SUMF1: variants seen among roughly 807,000 people sequenced by gnomAD.
SUMF1 encodes sulfatase modifying factor 1.
Under a neutral mutation model 47.6 loss-of-function variants are expected in SUMF1, and 48 were observed. The observed-to-expected ratio is 1.01, with a 90% CI of 0.80 to 1.28. SUMF1 has a LOEUF of 1.28. Among genes scored for constraint, SUMF1 ranks in the 50% most tolerant of loss-of-function variants. The pLI, the probability that SUMF1 is intolerant of heterozygous loss-of-function variation, is 0.00. For missense variants in SUMF1, 571 were observed against 485.4 expected (o/e 1.18, Z -1.66); for synonymous variants, 230 against 192.1 (o/e 1.20, Z -1.63).
intron 8 of SUMF1, among the ~76,000 whole-genome samples, chr3:4,149,783 G>A (rs897210606): frequency 4.6e-5 from 7 of 152,134 alleles, no homozygotes; most frequent in African/African-American, 1.4e-4. Flanking sequence ...GCCTGTGGAC[G>A]TGTAGTCCTA....
At chr3:4,385,203 A>T (rs1700633593) in intron 7 of SUMF1, among the ~76,000 whole-genome samples, 2 of 152,160 alleles carry the variant, frequency 1.3e-5, no homozygotes, top group Admixed American at 1.3e-4. Flanking sequence ...TAGGTTTTAA[A>T]GAAAACGTCA....
At chr3:4,044,784 T>G (rs370591114) in intron 9 of SUMF1, among the ~76,000 whole-genome samples, 32 of 152,352 alleles carry the variant, frequency 2.1e-4, no homozygotes, top group African/African-American at 7.5e-4. Context: ...CACACTCTTT[T>G]GGCTGCCTTG....
chr3:4,262,508 T>G (rs1468751463), intron 8 of SUMF1, among the ~76,000 whole-genome samples: 2 of 152,172 alleles, frequency 1.3e-5, no homozygotes, highest in Non-Finnish European at 2.9e-5. Context: ...CTGGCATGGC[T>G]GGTGCACAAG....
intron 8 of SUMF1, among the ~76,000 whole-genome samples, chr3:4,292,150 A>G (rs980953864): frequency 6.6e-6 from 1 of 152,232 alleles, no homozygotes; most frequent in African/African-American, 2.4e-5. Context: ...TTTATCAATT[A>G]TTAATTAGCA....
chr3:4,162,150 C>T (rs753128057), intron 8 of SUMF1, among the ~76,000 whole-genome samples: 12 of 152,018 alleles, frequency 7.9e-5, no homozygotes, highest in Non-Finnish European at 1.6e-4. Flanking sequence ...TGTCTAATGC[C>T]CTATCCTGTT....
chr3:4,189,852 T>A (rs764829018), intron 8 of SUMF1, among the ~76,000 whole-genome samples: 2 of 152,160 alleles, frequency 1.3e-5, no homozygotes, highest in African/African-American at 2.4e-5. Context: ...ATTCTTTTGC[T>A]GGTCTAAAAT....
At chr3:4,267,362 T>C (rs897226337) in intron 8 of SUMF1, among the ~76,000 whole-genome samples, 2 of 152,204 alleles carry the variant, frequency 1.3e-5, no homozygotes, top group African/African-American at 2.4e-5. Flanking sequence ...TCCTGGACTC[T>C]ATTTGGTTGG....
At chr3:4,053,418 A>G (rs1299198682) in intron 9 of SUMF1, among the ~76,000 whole-genome samples, 42 of 152,216 alleles carry the variant, frequency 2.8e-4, no homozygotes, top group Admixed American at 2.7e-3. Flanking sequence ...TGAAACAGAC[A>G]CAAAGTGAGC....
intron 8 of SUMF1, among the ~76,000 whole-genome samples, chr3:4,109,611 G>T (rs1293691172): frequency 6.6e-6 from 1 of 152,028 alleles, no homozygotes. Flanking sequence ...TTTCTTGGAG[G>T]CTTTGTTCAT....
chr3:4,287,859 C>A (rs1211350745), intron 8 of SUMF1, among the ~76,000 whole-genome samples: 1 of 152,186 alleles, frequency 6.6e-6, no homozygotes, highest in East Asian at 1.9e-4. Context: ...CCAAGCAAAG[C>A]TTAAAGTAAA....
At chr3:4,292,313 C>T (rs60984429) in intron 8 of SUMF1, among the ~76,000 whole-genome samples, 57,785 of 152,036 alleles carry the variant, frequency 0.38, 11,302 homozygotes, top group Non-Finnish European at 0.43. Context: ...ATTGATTAAA[C>T]GCAAGGCGTT....
rs1700912880 is a variant in SUMF1, at chr3:4,392,694, G to GT, written c.955-16306dup. On this transcript the variant is annotated intron_variant, in intron 7 of 8. Coordinates refer to ENST00000272902, the MANE Select transcript of SUMF1 (RefSeq NM_182760.4). ...AGCGAGAGAGAGAGCACATGTATAT[G>GT]TAACAGCAACTCTTGATTACCCTAT... Among the ~76,000 whole-genome samples, 9 of 150,978 alleles carry GT rather than the reference G, an allele frequency of 6.0e-5. No individual in the cohort carries two copies. In the East Asian group the frequency reaches 1.8e-3, roughly 29 times the overall value.
chr3:4,456,781 C>G (rs1211949307), intron 1 of SUMF1, among the ~76,000 whole-genome samples: 2 of 87,630 alleles, frequency 2.3e-5, no homozygotes, highest in Non-Finnish European at 5.1e-5. Context: ...CACATATATA[C>G]GTGTGTGTGT....
In SUMF1 at chr3:4,185,849, C is replaced by T. The variant is rs143506307; in HGVS notation, c.1015-117104G>A. ...TGGCTTGAACAAGGATATTTTTGTT[C>T]TTGTTTTTTCAGGAATGTTCCTCCA... On this transcript the variant is annotated intron_variant and NMD_transcript_variant, in intron 8 of 12. Transcript: ENST00000448413. Among the ~76,000 whole-genome samples, 1,284 of 152,140 alleles carry T rather than the reference C, an allele frequency of 8.4e-3. 12 individuals carry two copies. The highest frequency in any genetic ancestry group is 0.013 in the Non-Finnish European group (871 of 67,972).
chr3:4,342,696 T>C (rs1414784771), intron 8 of SUMF1, among the ~76,000 whole-genome samples: 3 of 152,180 alleles, frequency 2.0e-5, no homozygotes, highest in African/African-American at 4.8e-5. Context: ...AACAGGTTTA[T>C]GTCAAGGGAG....
At chr3:4,186,358 G>A (rs1278392430) in intron 8 of SUMF1, among the ~76,000 whole-genome samples, 1 of 152,122 alleles carries the variant, frequency 6.6e-6, no homozygotes, top group Non-Finnish European at 1.5e-5. Flanking sequence ...CTATGGTAAT[G>A]GGGGGAGGTG....
intron 8 of SUMF1, among the ~76,000 whole-genome samples, chr3:4,254,489 C>G (rs1405257058): frequency 6.2e-4 from 93 of 149,944 alleles, no homozygotes; most frequent in East Asian, 1.4e-3. Flanking sequence ...GGAGCCGATG[C>G]CATCAACTGG....
At chr3:4,170,455 C>G (rs1419838889) in intron 8 of SUMF1, among the ~76,000 whole-genome samples, 4 of 152,096 alleles carry the variant, frequency 2.6e-5, no homozygotes, top group Non-Finnish European at 4.4e-5. Context: ...TTTATGCTGA[C>G]CAATGCACCA....
At chr3:4,354,157 C>CT (rs1316060516) in intron 8 of SUMF1, among the ~76,000 whole-genome samples, 2 of 152,176 alleles carry the variant, frequency 1.3e-5, no homozygotes, top group Non-Finnish European at 2.9e-5. Context: ...GCCCAGCCCC[C>CT]ATCTTGATTT....
Sources: allele counts gnomAD v4.1 joint callset (sites outside exome capture counted in the v4.1 genomes callset), GRCh38; gene constraint gnomAD v4.1.1; transcripts MANE v1.5; gene names NCBI Gene and HGNC (gene_info 2026-07-23, HGNC 2026-07-21).